Variants in SMG1 observed in about 807,000 individuals in gnomAD.
SMG1 encodes serine/threonine-protein kinase SMG1.
A neutral mutation model predicts 419.9 loss-of-function variants in SMG1; 22 were observed. That is an observed-to-expected ratio of 0.05 (90% CI 0.04 to 0.07). The LOEUF (loss-of-function observed/expected upper bound fraction) is 0.07. Ranked by LOEUF, SMG1 falls within the 10% of genes least tolerant of loss-of-function variation. The pLI is 1.00. For synonymous variants in SMG1, 1,538 were observed against 1,553.5 expected (o/e 0.99, Z 0.23); for missense variants, 3,185 against 4,342.0 (o/e 0.73, Z 7.49).
At chr16:18,811,663 TTGA>T in intron 62 of SMG1, 95 bp downstream of exon 62, 1 of 1,077,680 alleles carries the variant, frequency 9.3e-7, no homozygotes, top group Non-Finnish European at 1.4e-6. Flanking sequence ...TTTAAGTTCC[TTGA>T]TGAACTATTA....
At chr16:18,923,877 T>C (rs1054211099) in intron 1 of SMG1, among the ~76,000 whole-genome samples, 1 of 152,134 alleles carries the variant, frequency 6.6e-6, no homozygotes, top group Non-Finnish European at 1.5e-5. Flanking sequence ...CAAATTTAAC[T>C]AATAAAAATT....
chr16:18,809,779 C>A, intron 62 of SMG1, 133 bp from the exon 63 acceptor site: 1 of 612,272 alleles, frequency 1.6e-6, no homozygotes, highest in Non-Finnish European at 2.9e-6. Flanking sequence ...CCTGTAAGCC[C>A]CTTAATTTTC....
At chr16:18,911,360 T>C (rs62047584) in intron 1 of SMG1, 1 of 150,362 alleles carries the variant, frequency 6.7e-6, no homozygotes, top group South Asian at 2.1e-4. Flanking sequence ...AAAAAAAAAT[T>C]ACCTGGGTGT....
chr16:18,919,818 G>A (rs2038125729), intron 1 of SMG1, among the ~76,000 whole-genome samples: 1 of 150,870 alleles, frequency 6.6e-6, no homozygotes, highest in Non-Finnish European at 1.5e-5. Context: ...GGGGTTGGGG[G>A]GGTCCAGGCA....
In SMG1 at chr16:18,842,345, G is replaced by C; in HGVS notation, c.6329C>G (p.Pro2110Arg). The change falls in exon 40 of 63, where the codon CCT becomes CGT. Residue 2110 changes from proline to arginine, a missense_variant. Transcript: ENST00000446231. ...AAMTNTEIAL[P>R]GEVSARDTVT... ...AGTGTCTCTGGCTGAGACTTCCCCA[G>C]GAAGAGCAATTTCAGTGTTAGTCAT... 1 of 1,614,008 alleles carries C rather than the reference G, an allele frequency of 6.2e-7. No homozygotes were observed.
Position 18,868,229 on chromosome 16 carries a change from A to G in SMG1, c.3156T>C (p.Phe1052=), listed in dbSNP as rs746556641. ...GQPAVTVRHG[F]DLLTEMKTTS... ...TTGTTTTCATCTCTGTAAGCAAGTCAAAGCCATGTCTCACTGTCACTGCAG... is the reference window on the plus strand; with the variant it reads ...TTGTTTTCATCTCTGTAAGCAAGTCGAAGCCATGTCTCACTGTCACTGCAG... Residue 1052 remains phenylalanine, a synonymous_variant, in exon 22 of 63, where the codon TTT becomes TTC. Coordinates refer to ENST00000446231, the MANE Select transcript of SMG1 (RefSeq NM_015092.5). The G allele has an allele frequency of 5.2e-5, 82 of 1,566,196 alleles. 1 individual carries two copies. In the South Asian group the frequency reaches 9.3e-4, roughly 18 times the overall value.
At chr16:18,860,173 G>A (rs370027940) in intron 26 of SMG1, among the ~76,000 whole-genome samples, 1 of 152,290 alleles carries the variant, frequency 6.6e-6, no homozygotes, top group South Asian at 2.1e-4. Context: ...AGCCGAGATT[G>A]CGCCACTGCA....
At position 18,847,570 on chromosome 16, in the gene SMG1, A is replaced by C; in HGVS notation, c.5879T>G (p.Val1960Gly). ...TCCCAGCCAGAGCTCATCCCAGAGC[A>C]CAGTGACCCTGCGCAGTTCAGCCAC... ...MLVAELRRVT[V>G]LWDELWLGVL... The change falls in exon 38 of 63, where the codon GTG becomes GGG. Residue 1960 changes from valine to glycine, a missense_variant. Val to Gly is a moderately radical substitution (Grantham distance 109). Around this residue, in one of 27 missense-constraint regions of SMG1, gnomAD observed 130 missense variants for 162.0 expected, o/e 0.80. Coordinates refer to ENST00000446231, the MANE Select transcript of SMG1 (RefSeq NM_015092.5). 1 of 1,614,058 alleles carries C rather than the reference A, an allele frequency of 6.2e-7. No individual in the cohort carries two copies. Among genetic ancestry groups the C allele is most frequent in the Non-Finnish European group, 8.5e-7 (1 of 1,179,902 alleles).
At chr16:18,898,489 T>C (rs2037222108) in intron 1 of SMG1, among the ~76,000 whole-genome samples, 2 of 152,164 alleles carry the variant, frequency 1.3e-5, no homozygotes, top group Non-Finnish European at 2.9e-5. Flanking sequence ...GACCATAACT[T>C]TTTTAAACTA....
intron 1 of SMG1, among the ~76,000 whole-genome samples, chr16:18,910,263 C>A (rs1448278300): frequency 2.7e-5 from 4 of 147,670 alleles, no homozygotes; most frequent in Non-Finnish European, 5.9e-5. Flanking sequence ...CAGAGTCTTG[C>A]TCTGTTGCCC....
rs2031070099 is a variant in SMG1 at position 18,808,577 on chromosome 16, G to C, written c.*992C>G. 6.6e-6 allele frequency: 1 copy of C among 152,376 alleles called. No individual in the cohort carries two copies. The allele number at this position is 152,376 out of a possible 1,614,324, so 9.4% of individuals were successfully genotyped here. ...GAAAGAAACTACAGCTATCACAGAA[G>C]AGGGAAAATTTGAATGACCTCCAAA... On this transcript the variant is annotated 3_prime_UTR_variant, in exon 63 of 63. Transcript: ENST00000446231.
chr16:18,818,534 TGATACATTCTTAAATAG>T (rs1341545251), intron 56 of SMG1, among the ~76,000 whole-genome samples: 1 of 152,124 alleles, frequency 6.6e-6, no homozygotes, highest in Non-Finnish European at 1.5e-5. Context: ...TGCCCAGCTA[TGATACATTCTTAAATAG>T]TTCTTAATAG....
At position 18,815,731 on chromosome 16, in the gene SMG1, G is replaced by C. The variant is rs2031942958; in HGVS notation, c.10303-80C>G. 38 of 1,196,738 alleles carry C rather than the reference G, an allele frequency of 3.2e-5. No individual in the cohort carries two copies. In the Middle Eastern group the frequency reaches 7.6e-4, roughly 24 times the overall value. 74.1% of individuals were successfully genotyped at this position (1,196,738 alleles called of 1,614,324 possible). On this transcript the variant is annotated intron_variant, in intron 58 of 62. Transcript: ENST00000446231. ...CTCAAGACAGTCACCTAGTGATTAA[G>C]TAACAAATGTTTCAAATATGAGTGT... is the stretch of plus-strand genomic sequence containing the variant.
At chr16:18,811,250 G>C (rs1025418201) in intron 62 of SMG1, among the ~76,000 whole-genome samples, 1 of 152,130 alleles carries the variant, frequency 6.6e-6, no homozygotes, top group African/African-American at 2.4e-5. Context: ...TAGCCTGAAG[G>C]TAATTTTATA....
At chr16:18,882,072 G>C in intron 10 of SMG1, 93 bp downstream of exon 10, 2 of 830,296 alleles carry the variant, frequency 2.4e-6, no homozygotes, top group African/African-American at 3.4e-5. Flanking sequence ...AACAAATGAA[G>C]GATTAATAAC....
At chr16:18,885,404 TTTAACCC>T in intron 7 of SMG1, 130 bp downstream of exon 7, 2 of 1,141,390 alleles carry the variant, frequency 1.8e-6, no homozygotes, top group South Asian at 2.5e-5. Flanking sequence ...AAATGCGGTA[TTTAACCC>T]TGGAACCTCA....
chr16:18,861,645 TG>T (rs2035225067), intron 25 of SMG1, among the ~76,000 whole-genome samples: 1 of 152,184 alleles, frequency 6.6e-6, no homozygotes, highest in Non-Finnish European at 1.5e-5. Context: ...CCTTGAGTAC[TG>T]GGCACTGATG....
At position 18,830,090 on chromosome 16, in the gene SMG1, G is replaced by A; in HGVS notation, c.8969C>T (p.Ala2990Val). 2 of 1,603,222 alleles carry A rather than the reference G, an allele frequency of 1.2e-6. No individual in the cohort carries two copies. Among genetic ancestry groups the A allele is most frequent in the South Asian group, 1.1e-5 (1 of 89,192 alleles). Reference sequence around the variant, plus strand: ...CCTTATGATGTCAATCTTTCGCCAAGCTATGGGAATTTCCATCTTGTTCAA... The same window carrying A: ...CCTTATGATGTCAATCTTTCGCCAAACTATGGGAATTTCCATCTTGTTCAA... ...EKLNKMEIPI[A>V]WRKIDIIREA... The change falls in exon 53 of 63, where the codon GCT (alanine) becomes GTT (valine). Residue 2990 changes from alanine (A) to valine (V), a missense_variant. By Grantham distance (64) the Ala-to-Val change is moderately conservative (BLOSUM62 0). This residue lies in a region of SMG1 where 737 missense variants were observed against 846.6 expected (regional missense o/e 0.87). Coordinates refer to ENST00000446231, the MANE Select transcript of SMG1 (RefSeq NM_015092.5).
Position 18,850,055 on chromosome 16 carries a change from A to C in SMG1, c.5355T>G (p.Ile1785Met). 6.2e-7 allele frequency: 1 copy of C among 1,614,004 alleles called. No individual in the cohort carries two copies. The highest frequency in any genetic ancestry group is 8.5e-7 in the Non-Finnish European group (1 of 1,179,898). ...HRVEQSTDDM[I>M]VMATLRLLRL... Reference sequence around the variant, plus strand: ...GCAGCAGGCGCAATGTGGCCATCACAATCATGTCATCAGTGCTCTGTTCCA... The same window carrying C: ...GCAGCAGGCGCAATGTGGCCATCACCATCATGTCATCAGTGCTCTGTTCCA... The change falls in exon 35 of 63, where the codon ATT becomes ATG. Residue 1785 changes from isoleucine (I) to methionine (M), a missense_variant. By Grantham distance (10) the Ile-to-Met change is conservative. Transcript: ENST00000446231.
Sources: allele counts gnomAD v4.1 joint callset (sites outside exome capture counted in the v4.1 genomes callset), GRCh38; gene constraint gnomAD v4.1.1; regional missense constraint gnomAD v4.1.1; transcripts MANE v1.5; gene names NCBI Gene and HGNC (gene_info 2026-07-23, HGNC 2026-07-21).